The following MAP2K3 variants were observed in gnomAD, a reference collection of about 807,000 sequenced individuals.
The protein encoded by MAP2K3 is dual specificity mitogen-activated protein kinase kinase 3.
Under a neutral mutation model 46.4 loss-of-function variants are expected in MAP2K3, and 30 were observed. The observed-to-expected ratio is 0.65, with a 90% CI of 0.48 to 0.88. The LOEUF (loss-of-function observed/expected upper bound fraction) is 0.88. MAP2K3 is among the 40% of genes least tolerant of loss of function. MAP2K3 has a pLI of 0.00. For synonymous variants in MAP2K3, 189 were observed against 176.3 expected (o/e 1.07, Z -0.57); for missense variants, 380 against 464.5 (o/e 0.82, Z 1.67).
intron 9 of MAP2K3, among the ~76,000 whole-genome samples, chr17:21,311,380 A>G (rs555410494): frequency 2.6e-5 from 4 of 152,046 alleles, no homozygotes; most frequent in South Asian, 2.1e-4. Context: ...CCCTTCCATG[A>G]TGACTTCCTG....
Position 21,284,869 on chromosome 17 carries a change from G to T in MAP2K3, c.-52G>T. ...CATGAGCGTGCTCGGCCCCGGTGGA[G>T]CCCGCAGTCCTCTAGATTAGTCTCC... On this transcript the variant is annotated 5_prime_UTR_variant, in exon 1 of 12. Transcript: ENST00000342679. 6.3e-7 allele frequency: 1 copy of T among 1,592,760 alleles called. No homozygotes were observed.
At chr17:21,296,412 C>T (rs778780847) in intron 1 of MAP2K3, among the ~76,000 whole-genome samples, 1,090 of 152,048 alleles carry the variant, frequency 7.2e-3, no homozygotes, top group Non-Finnish European at 9.3e-3. Flanking sequence ...CATGGTTTTT[C>T]CTGTTAGAAT....
chr17:21,293,350 C>T (rs1406244947), intron 1 of MAP2K3, among the ~76,000 whole-genome samples: 8 of 152,310 alleles, frequency 5.3e-5, no homozygotes, highest in Non-Finnish European at 1.0e-4. Context: ...GCCTCTGGCC[C>T]TTCCCTACGT....
At position 21,300,596 on chromosome 17, in the gene MAP2K3, G is replaced by C. The variant is rs1288901484; in HGVS notation, c.217G>C (p.Gly73Arg). 3.1e-6 allele frequency: 5 copies of C among 1,613,000 alleles called. No homozygotes were observed. The highest frequency in any genetic ancestry group is 3.4e-6 in the Non-Finnish European group (4 of 1,179,492). ...DLVTISELGRGAYGVVEKVRH... is the reference protein window; with the variant it reads ...DLVTISELGRRAYGVVEKVRH... ...GGTGACCATCTCAGAACTGGGCCGTGGAGCCTATGGGGTGGTAGAGAAGGT... is the reference window on the plus strand; with the variant it reads ...GGTGACCATCTCAGAACTGGGCCGTCGAGCCTATGGGGTGGTAGAGAAGGT... The change falls in exon 4 of 12, where the codon GGA (glycine) becomes CGA (arginine). Residue 73 changes from glycine (G) to arginine (R), a missense_variant. By Grantham distance (125) the Gly-to-Arg change is moderately radical. Transcript: ENST00000342679.
chr17:21,295,999 A>T, intron 1 of MAP2K3: 1 of 1,269,136 alleles, frequency 7.9e-7, no homozygotes, highest in Non-Finnish European at 1.0e-6. Flanking sequence ...AATATTTTAT[A>T]TTCTGGTTAC....
In MAP2K3 at chr17:21,300,869, T is replaced by C. The variant is rs1976557014; in HGVS notation, c.280-5T>C. 6.2e-7 allele frequency: 1 copy of C among 1,614,110 alleles called. No homozygotes were observed. Among genetic ancestry groups the C allele is most frequent in the Middle Eastern group, 1.6e-4 (1 of 6,062 alleles). Reference sequence around the variant, plus strand: ...CAACCTCTGAATGGCAGTCCTTCCCTGCAGCGGATCCGGGCCACCGTGAAC... The same window carrying C: ...CAACCTCTGAATGGCAGTCCTTCCCCGCAGCGGATCCGGGCCACCGTGAAC... On this transcript the variant is annotated splice_polypyrimidine_tract_variant and splice_region_variant and intron_variant, in intron 4 of 11. Coordinates refer to ENST00000342679, the MANE Select transcript of MAP2K3 (RefSeq NM_145109.3).
At chr17:21,298,572 T>G in intron 2 of MAP2K3, 93 bp downstream of exon 2, 1 of 1,571,974 alleles carries the variant, frequency 6.4e-7, no homozygotes, top group Admixed American at 1.7e-5. Flanking sequence ...GGGCCAGCCC[T>G]GCTTTACCTC....
intron 1 of MAP2K3, among the ~76,000 whole-genome samples, chr17:21,293,761 G>T (rs1976080941): frequency 6.6e-6 from 1 of 152,310 alleles, no homozygotes; most frequent in African/African-American, 2.4e-5. Context: ...ACAAGGTGAG[G>T]ATAGAGAAGG....
chr17:21,301,044 C>A, intron 5 of MAP2K3, 51 bp downstream of exon 5: 1 of 1,612,856 alleles, frequency 6.2e-7, no homozygotes, highest in South Asian at 1.1e-5. Context: ...ACCCATCAGT[C>A]GCCTGCAACC....
chr17:21,303,246 G>T lies in MAP2K3; in HGVS notation c.568+12G>T. 6.2e-7 allele frequency: 1 copy of T among 1,613,788 alleles called. No homozygotes were observed. The highest frequency in any genetic ancestry group is 2.2e-5 in the East Asian group (1 of 44,896). ...GGTGATCCACAGAGGTCAGTGCCCG[G>T]CAGCCACCCAGGCACGGTGTAGCCA... is the stretch of plus-strand genomic sequence containing the variant. On this transcript the variant is annotated intron_variant, in intron 7 of 11. Coordinates refer to ENST00000342679, the MANE Select transcript of MAP2K3 (RefSeq NM_145109.3).
At chr17:21,307,504 T>G (rs1166985156) in intron 9 of MAP2K3, among the ~76,000 whole-genome samples, 3 of 138,802 alleles carry the variant, frequency 2.2e-5, no homozygotes, top group Non-Finnish European at 4.7e-5. Flanking sequence ...GGCCCTGAGG[T>G]GGGGCTGTGC....
chr17:21,290,747 C>T (rs1012018890), intron 1 of MAP2K3, among the ~76,000 whole-genome samples: 2 of 152,312 alleles, frequency 1.3e-5, no homozygotes, highest in Non-Finnish European at 2.9e-5. Context: ...GGCAGGAGTT[C>T]ACAACCAGCC....
rs200696962 is a variant in MAP2K3, at chr17:21,296,231, G to A, written c.50-2182G>A. The A allele has an allele frequency of 5.0e-5, 64 of 1,278,710 alleles. No homozygotes were observed. In the East Asian group the frequency reaches 1.8e-3, roughly 37 times the overall value. 79.2% of individuals were successfully genotyped at this position (1,278,710 alleles called of 1,614,324 possible). A position where few individuals can be genotyped will look rare whatever the true frequency, so the allele number is the denominator to read the frequency against. On this transcript the variant is annotated intron_variant, in intron 1 of 11. Coordinates refer to ENST00000342679, the MANE Select transcript of MAP2K3 (RefSeq NM_145109.3). ...GGCAGGTGGGTGGCATTTCTGCCTC[G>A]AGCTGTTTTGTACATGAGGAACCCA...
At chr17:21,289,569 A>G (rs1975824974) in intron 1 of MAP2K3, among the ~76,000 whole-genome samples, 1 of 152,160 alleles carries the variant, frequency 6.6e-6, no homozygotes, top group African/African-American at 2.4e-5. Flanking sequence ...TGATGCCCAC[A>G]TGCCGTCCAC....
At chr17:21,297,495 C>T (rs897297001) in intron 1 of MAP2K3, among the ~76,000 whole-genome samples, 1 of 152,310 alleles carries the variant, frequency 6.6e-6, no homozygotes, top group East Asian at 1.9e-4. Flanking sequence ...AGCCCTGCTG[C>T]CTGATGGTGC....
chr17:21,293,515 C>T (rs544668015), intron 1 of MAP2K3, among the ~76,000 whole-genome samples: 32 of 152,406 alleles, frequency 2.1e-4, no homozygotes, highest in South Asian at 1.9e-3. Context: ...GGGGTGCTCC[C>T]GAGCCATGCT....
At chr17:21,293,577 T>C (rs1268354828) in intron 1 of MAP2K3, among the ~76,000 whole-genome samples, 3 of 152,288 alleles carry the variant, frequency 2.0e-5, no homozygotes, top group African/African-American at 4.8e-5. Context: ...AGTCTGGGGA[T>C]CCCCCGTTCT....
chr17:21,310,886 G>A (rs1055306817), intron 9 of MAP2K3, among the ~76,000 whole-genome samples: 5 of 152,246 alleles, frequency 3.3e-5, no homozygotes, highest in African/African-American at 9.6e-5. Context: ...AAAGGAGTAC[G>A]AGGTTGAAGG....
intron 1 of MAP2K3, among the ~76,000 whole-genome samples, chr17:21,298,154 G>T (rs551649209): frequency 6.6e-6 from 1 of 152,312 alleles, no homozygotes; most frequent in African/African-American, 2.4e-5. Context: ...CTCAAGATGT[G>T]CCCAGTGGGC....
Sources: gnomAD v4.1 joint callset for allele counts (sites outside exome capture counted in the v4.1 genomes callset) on GRCh38, gnomAD v4.1.1 for gene constraint, MANE v1.5 for transcripts, NCBI Gene and HGNC (gene_info 2026-07-23, HGNC 2026-07-21) for gene names.